CCDC7: variants seen among roughly 807,000 people sequenced by gnomAD.
CCDC7 encodes the protein coiled-coil domain containing 7.
Under a neutral mutation model 196.9 loss-of-function variants are expected in CCDC7, and 183 were observed. The ratio of observed to expected loss-of-function variants is 0.93; its 90% CI spans 0.82 to 1.05. The LOEUF is 1.05. Ranked by LOEUF, CCDC7 falls within the 50% of genes least tolerant of loss-of-function variation. The pLI is 0.00. For missense variants in CCDC7, 1,540 were observed against 1,482.2 expected, an observed-to-expected ratio of 1.04 and a Z score of -0.64; for synonymous variants, 525 against 484.6, an observed-to-expected ratio of 1.08 and a Z score of -1.10.
chr10:32,566,263 G>T (rs529480519), intron 14 of CCDC7, among the ~76,000 whole-genome samples: 1 of 152,108 alleles, frequency 6.6e-6, no homozygotes, highest in Non-Finnish European at 1.5e-5. Context: ...AAGTATAAAA[G>T]ATATTTGTTA....
intron 9 of CCDC7, among the ~76,000 whole-genome samples, chr10:32,498,807 C>T (rs1353868248): frequency 7.0e-6 from 1 of 142,928 alleles, no homozygotes; most frequent in Non-Finnish European, 1.6e-5. Context: ...TCTCTGGCTG[C>T]CCTTAACATT....
intron 25 of CCDC7, among the ~76,000 whole-genome samples, chr10:32,721,473 C>A (rs961986984): frequency 1.3e-5 from 2 of 152,152 alleles, no homozygotes; most frequent in Admixed American, 6.5e-5. Flanking sequence ...AGCCTCCAGG[C>A]AATCCTGTTG....
At chr10:32,667,005 G>C (rs1388206431) in intron 21 of CCDC7, among the ~76,000 whole-genome samples, 1 of 152,088 alleles carries the variant, frequency 6.6e-6, no homozygotes, top group Non-Finnish European at 1.5e-5. Flanking sequence ...GTGTAAAAGC[G>C]TTCCTATTTC....
intron 29 of CCDC7, among the ~76,000 whole-genome samples, chr10:32,787,875 G>A (rs2082110070): frequency 6.6e-6 from 1 of 152,040 alleles, no homozygotes; most frequent in South Asian, 2.1e-4. Context: ...TCAAGCTTCA[G>A]GCCTGCCCCT....
chr10:32,635,349 C>T (rs1564901591), intron 20 of CCDC7, among the ~76,000 whole-genome samples, 191 bp downstream of exon 21: 1 of 151,872 alleles, frequency 6.6e-6, no homozygotes. Flanking sequence ...TTTCCTTGTT[C>T]CTTTTTATAA....
In CCDC7 at chr10:32,642,091, C is replaced by T. The variant is rs187224050; in HGVS notation, c.2014+6933C>T. Among the ~76,000 whole-genome samples, 432 of 152,116 alleles carry T rather than the reference C, an allele frequency of 2.8e-3. 2 individuals carry two copies. The South Asian group carries it at 0.03, about 11-fold the overall frequency. ...GGGGGTGCCTCCCAGTTAGGCTACT[C>T]GGGTCAGGGACCCACTTGAGGAGGC... On this transcript the variant is annotated intron_variant, in intron 20 of 41. Coordinates refer to ENST00000639629, the Ensembl canonical transcript of CCDC7.
Position 32,775,676 on chromosome 10 carries a change from C to T in CCDC7, c.2906-3301C>T, listed in dbSNP as rs941627095. On this transcript the variant is annotated intron_variant, in intron 28 of 41. Transcript: ENST00000639629. Reference sequence around the variant, plus strand: ...ACCAGTGATTGGCCCTTAAATTGCACCCATATATTAGAATTAATCCCTTTC... The same window carrying T: ...ACCAGTGATTGGCCCTTAAATTGCATCCATATATTAGAATTAATCCCTTTC... Among the ~76,000 whole-genome samples the T allele has an allele frequency of 2.6e-5, 4 of 152,088 alleles. No homozygotes were observed. In the East Asian group the frequency reaches 5.8e-4, roughly 22 times the overall value.
chr10:32,764,206 C>A (rs936354182), intron 28 of CCDC7, among the ~76,000 whole-genome samples: 1 of 149,988 alleles, frequency 6.7e-6, no homozygotes, highest in African/African-American at 2.5e-5. Flanking sequence ...CCAAGACTCA[C>A]CCCCACCACC....
chr10:32,580,816 G>C (rs533230711), intron 16 of CCDC7, among the ~76,000 whole-genome samples: 36 of 151,242 alleles, frequency 2.4e-4, no homozygotes, highest in African/African-American at 8.5e-4. Flanking sequence ...GAAAATGGAT[G>C]GAGTTAAGGA....
chr10:32,666,890 C>T (rs1277053341), intron 21 of CCDC7, among the ~76,000 whole-genome samples: 2 of 152,082 alleles, frequency 1.3e-5, no homozygotes, highest in African/African-American at 4.8e-5. Context: ...GGTATATACC[C>T]AGTAATGGGA....
intron 29 of CCDC7, among the ~76,000 whole-genome samples, chr10:32,793,519 T>C (rs1436028762): frequency 6.6e-6 from 1 of 152,196 alleles, no homozygotes; most frequent in Non-Finnish European, 1.5e-5. Flanking sequence ...TACAATTTAC[T>C]TATAAATCAA....
chr10:32,479,677 C>A (rs576133713), intron 8 of CCDC7, among the ~76,000 whole-genome samples: 2 of 152,032 alleles, frequency 1.3e-5, no homozygotes, highest in East Asian at 3.8e-4. Flanking sequence ...TTTCTCATAG[C>A]GTCTTTGTCT....
At position 32,763,762 on chromosome 10, in the gene CCDC7, T is replaced by C. The variant is rs148827632; in HGVS notation, c.2906-15215T>C. Among the ~76,000 whole-genome samples the C allele has an allele frequency of 7.1e-3, 1,074 of 151,946 alleles. 15 individuals are homozygous for C. The highest frequency in any genetic ancestry group is 0.025 in the African/African-American group (1,025 of 41,508). On this transcript the variant is annotated intron_variant, in intron 28 of 41. Transcript: ENST00000639629. ...TACATGATCTCACATATATGTTGAATCTAAAAAGTCATATTCATAGAAGTG... is the reference window on the plus strand; with the variant it reads ...TACATGATCTCACATATATGTTGAACCTAAAAAGTCATATTCATAGAAGTG...
At chr10:32,792,229 T>G (rs1469447156) in intron 29 of CCDC7, among the ~76,000 whole-genome samples, 2 of 152,108 alleles carry the variant, frequency 1.3e-5, no homozygotes, top group Non-Finnish European at 2.9e-5. Context: ...AAAAGGACAA[T>G]AAATACTATC....
chr10:32,871,389 G>A (rs1434405898), intron 41 of CCDC7, among the ~76,000 whole-genome samples: 2 of 152,148 alleles, frequency 1.3e-5, no homozygotes, highest in Non-Finnish European at 2.9e-5. Flanking sequence ...TATTTGCGTA[G>A]AGGTGTTTAT....
chr10:32,543,479 T>C (rs1029377110), intron 12 of CCDC7, 94 bp downstream of exon 13: 28 of 1,094,034 alleles, frequency 2.6e-5, no homozygotes, highest in Non-Finnish European at 3.2e-5. Flanking sequence ...ACATAACTTA[T>C]GAATAATCTT....
intron 11 of CCDC7, among the ~76,000 whole-genome samples, chr10:32,541,629 C>T (rs903257549): frequency 6.6e-6 from 1 of 152,232 alleles, no homozygotes; most frequent in African/African-American, 2.4e-5. Context: ...TCATACAGCT[C>T]CCAGGCACTG....
chr10:32,726,833 G>T lies in CCDC7; in HGVS notation c.2668+1G>T. 6.6e-7 allele frequency: 1 copy of T among 1,515,564 alleles called. No individual in the cohort carries two copies. The highest frequency in any genetic ancestry group is 2.3e-5 in the East Asian group (1 of 44,050). The allele number at this position is 1,515,564 out of a possible 1,614,324, so 93.9% of individuals were successfully genotyped here. A position where few individuals can be genotyped will look rare whatever the true frequency, so the allele number is the denominator to read the frequency against. On this transcript the variant is annotated splice_donor_variant, in intron 26 of 41. Transcript: ENST00000639629. LOFTEE classifies it high-confidence loss of function. ...ACTCCTGGAAGGGAAAGGCGTAATA[G>T]TAAGTGTAGTAATTATAGATGACTT...
chr10:32,639,666 C>T (rs2066350572), intron 20 of CCDC7, among the ~76,000 whole-genome samples: 1 of 141,766 alleles, frequency 7.1e-6, no homozygotes, highest in South Asian at 2.2e-4. Context: ...CTAGCTTTGT[C>T]GTCCAGGCTG....
Sources: gnomAD v4.1 joint callset for allele counts (sites outside exome capture counted in the v4.1 genomes callset) on GRCh38, gnomAD v4.1.1 for gene constraint, MANE v1.5 for transcripts, NCBI Gene and HGNC (gene_info 2026-07-23, HGNC 2026-07-21) for gene names.